The following CD4 variants were observed in gnomAD, a reference collection of about 807,000 sequenced individuals.
CD4 encodes the protein CD4 molecule, also known as T-cell surface glycoprotein CD4.
A neutral mutation model predicts 50.5 loss-of-function variants in CD4; 25 were observed. The observed-to-expected ratio is 0.49, with a 90% confidence interval of 0.36 to 0.69. CD4 has a LOEUF of 0.69. CD4 is among the 30% of genes least tolerant of loss of function. The pLI, the probability that CD4 is intolerant of heterozygous loss-of-function variation, is 0.00. For missense variants in CD4, 456 were observed against 548.5 expected, an observed-to-expected ratio of 0.83 and a Z score of 1.68; for synonymous variants, 207 against 221.9, an observed-to-expected ratio of 0.93 and a Z score of 0.60.
intron 4 of CD4, 195 bp from the exon 5 acceptor site, chr12:6,814,564 A>C: frequency 1.5e-6 from 1 of 682,414 alleles, no homozygotes; most frequent in East Asian, 2.7e-5. Context: ...GGAAGAGAGG[A>C]TGAGGGGAGA....
In CD4 at chr12:6,814,881, G is replaced by A. The variant is rs781925104; in HGVS notation, c.496G>A (p.Gly166Arg). The change falls in exon 5 of 10, where the codon GGG becomes AGG. Residue 166 changes from glycine (G) to arginine (R), a missense_variant. Gly to Arg is a moderately radical substitution (Grantham distance 125, BLOSUM62 -2). Coordinates refer to ENST00000011653, the MANE Select transcript of CD4 (RefSeq NM_000616.5). ...TCCAAGGGGTAAAAACATACAGGGG[G>A]GGAAGACCCTCTCCGTGTCTCAGCT... The part of the protein sequence containing the change: ...RSPRGKNIQG[G>R]KTLSVSQLEL... 1.9e-6 allele frequency: 3 copies of A among 1,613,536 alleles called. No homozygotes were observed. Among genetic ancestry groups the A allele is most frequent in the Middle Eastern group, 1.7e-4 (1 of 6,048 alleles).
chr12:6,796,577 G>A (rs1942382365), intron 1 of CD4, among the ~76,000 whole-genome samples: 2 of 152,130 alleles, frequency 1.3e-5, no homozygotes, highest in East Asian at 1.9e-4. Flanking sequence ...CCAGTCCCAT[G>A]TCATCTGGTC....
chr12:6,804,097 C>A (rs1179402527), intron 3 of CD4, among the ~76,000 whole-genome samples: 3 of 150,580 alleles, frequency 2.0e-5, no homozygotes, highest in Admixed American at 6.6e-5. Flanking sequence ...GGCGACAGAG[C>A]AAGACTCTGT....
rs770829428 is a variant in CD4, at chr12:6,802,036, G to A, written c.214+1565G>A. 3.3e-5 allele frequency among the ~76,000 whole-genome samples: 5 copies of A among 151,338 alleles called. No homozygotes were observed. In the South Asian group the frequency reaches 1.0e-3, roughly 32 times the overall value. On this transcript the variant is annotated intron_variant, in intron 3 of 9. Transcript: ENST00000011653. ...CTACAGGCGTGTGCCACCATGCCCG[G>A]CTAATTTGCGTATTTTTAGTAGAGA...
intron 1 of CD4, among the ~76,000 whole-genome samples, chr12:6,796,416 C>T (rs189727194): frequency 1.6e-4 from 25 of 152,312 alleles, no homozygotes; most frequent in African/African-American, 4.6e-4. Context: ...TCTTGTCTCA[C>T]CAGCAGGGGC....
intron 3 of CD4, among the ~76,000 whole-genome samples, chr12:6,811,791 G>A (rs11833068): frequency 0.1 from 15,823 of 150,822 alleles, 1,496 homozygotes; most frequent in African/African-American, 0.25. Context: ...GATTTCAGGC[G>A]TGAGCCACCG....
intron 1 of CD4, among the ~76,000 whole-genome samples, chr12:6,793,652 CT>C (rs1212744990): frequency 8.3e-5 from 3 of 36,226 alleles, no homozygotes; most frequent in Non-Finnish European, 2.0e-4. Context: ...TATCTATCAT[CT>C]ATCTATCTAT....
At position 6,816,877 on chromosome 12, in the gene CD4, C is replaced by T. The variant is rs1404753640; in HGVS notation, c.956-253C>T. ...GCACGTGTCGGGCCCCATCCAAACA[C>T]TTTACATGTATGCCTGCCTTTAGTA... On this transcript the variant is annotated intron_variant, in intron 6 of 9. Coordinates refer to ENST00000011653, the MANE Select transcript of CD4 (RefSeq NM_000616.5). The surrounding 1 kb of genome is among the most constrained non-coding windows in gnomAD (Gnocchi z 4.9). Among the ~76,000 whole-genome samples the T allele has an allele frequency of 1.3e-5, 2 of 152,194 alleles. No individual in the cohort carries two copies. The highest frequency in any genetic ancestry group is 4.8e-5 in the African/African-American group (2 of 41,444).
chr12:6,809,988 C>T (rs1942890074), intron 3 of CD4, among the ~76,000 whole-genome samples: 1 of 147,720 alleles, frequency 6.8e-6, no homozygotes, highest in Admixed American at 7.0e-5. Flanking sequence ...CTCCTGGGTT[C>T]AAGGGATTCT....
chr12:6,806,308 T>G (rs1555116188), intron 3 of CD4, among the ~76,000 whole-genome samples: 2 of 151,866 alleles, frequency 1.3e-5, no homozygotes, highest in East Asian at 1.9e-4. Context: ...TATTTTTATT[T>G]ATTTATTTAT....
chr12:6,793,117 C>T (rs1413846810), intron 1 of CD4, among the ~76,000 whole-genome samples: 1 of 152,152 alleles, frequency 6.6e-6, no homozygotes, highest in East Asian at 1.9e-4. Flanking sequence ...GGCCAGATCT[C>T]TGGGGTGGCA....
intron 1 of CD4, among the ~76,000 whole-genome samples, chr12:6,790,751 C>T (rs760064845): frequency 1.3e-5 from 2 of 152,234 alleles, no homozygotes; most frequent in African/African-American, 2.4e-5. Context: ...CTGCTTTCCC[C>T]TCATAGGCTT....
At chr12:6,801,481 C>T (rs1379750900) in intron 3 of CD4, among the ~76,000 whole-genome samples, 1 of 145,050 alleles carries the variant, frequency 6.9e-6, no homozygotes, top group Non-Finnish European at 1.5e-5. Flanking sequence ...TGCACCACTG[C>T]ACTCCAGCCT....
intron 3 of CD4, among the ~76,000 whole-genome samples, chr12:6,809,740 C>T (rs1321208249): frequency 6.6e-6 from 1 of 152,154 alleles, no homozygotes; most frequent in African/African-American, 2.4e-5. Flanking sequence ...GCAGGACGTT[C>T]ACCCTCTCAG....
intron 3 of CD4, among the ~76,000 whole-genome samples, chr12:6,806,156 T>TACACACACAC (rs56979845): frequency 9.3e-6 from 1 of 107,410 alleles, no homozygotes; most frequent in Non-Finnish European, 2.1e-5. Flanking sequence ...AAAAGGTACA[T>TACACACACAC]ACACACACAC....
At chr12:6,796,070 TC>T (rs1431277999) in intron 1 of CD4, among the ~76,000 whole-genome samples, 1 of 152,148 alleles carries the variant, frequency 6.6e-6, no homozygotes. Flanking sequence ...AAAGAAGAAA[TC>T]AGTGACTTTC....
At position 6,792,844 on chromosome 12, in the gene CD4, T is replaced by G. The variant is rs868615914; in HGVS notation, c.-68+3182T>G. ...GGAGAGCCAGCACGGCCGCCTGGTA[T>G]ATGAGGCAAAGAGGAAGACAGACAC... is the stretch of plus-strand genomic sequence containing the variant. On this transcript the variant is annotated intron_variant, in intron 1 of 9. Coordinates refer to ENST00000011653, the MANE Select transcript of CD4 (RefSeq NM_000616.5). This position sits in a 1 kb window ranked among gnomAD's most constrained non-coding sequence, Gnocchi z 4.1. 4.6e-5 allele frequency among the ~76,000 whole-genome samples: 7 copies of G among 152,072 alleles called. 1 individual carries two copies. The highest frequency in any genetic ancestry group is 6.8e-3 in the Middle Eastern group (2 of 294).
chr12:6,809,336 A>G (rs1407186985), intron 3 of CD4, among the ~76,000 whole-genome samples: 3 of 152,090 alleles, frequency 2.0e-5, no homozygotes, highest in Admixed American at 2.0e-4. Flanking sequence ...TCTCTACAAA[A>G]AATACAAAAG....
Position 6,800,772 on chromosome 12 carries a change from G to A in CD4, c.214+301G>A, listed in dbSNP as rs1327485862. Among the ~76,000 whole-genome samples, 6 of 152,270 alleles carry A rather than the reference G, an allele frequency of 3.9e-5. No individual in the cohort carries two copies. The South Asian group carries it at 1.2e-3, about 32-fold the overall frequency. On this transcript the variant is annotated intron_variant, in intron 3 of 9. Transcript: ENST00000011653. ...AGTATTGTTGCTACAGACCTATGTA[G>A]ATAATACTTTGCACAGTGACTCATA...
Sources: allele counts gnomAD v4.1 joint callset (sites outside exome capture counted in the v4.1 genomes callset), GRCh38; gene constraint gnomAD v4.1.1; non-coding constraint Gnocchi (gnomAD v3.1); transcripts MANE v1.5; gene names NCBI Gene and HGNC (gene_info 2026-07-23, HGNC 2026-07-21).